Variants in PRDM11 observed in about 807,000 individuals in gnomAD.
The protein encoded by PRDM11 is PR/SET domain 11.
PRDM11 carries 20 observed loss-of-function variants against 97.8 expected under a neutral mutation model. The ratio of observed to expected loss-of-function variants is 0.20; its 90% CI spans 0.14 to 0.30. PRDM11 has a LOEUF of 0.30. Ranked by LOEUF, PRDM11 falls within the 10% of genes least tolerant of loss-of-function variation. The pLI is 1.00. For missense variants in PRDM11, 1,139 were observed against 1,555.2 expected, an observed-to-expected ratio of 0.73 and a Z score of 4.50; for synonymous variants, 599 against 637.7, an observed-to-expected ratio of 0.94 and a Z score of 0.91.
At chr11:45,205,663 T>C (rs1473304305) in intron 5 of PRDM11, among the ~76,000 whole-genome samples, 27 of 152,018 alleles carry the variant, frequency 1.8e-4, no homozygotes, top group Admixed American at 1.8e-3. Context: ...AGGCTGATGG[T>C]GGGATTGTAC....
intron 4 of PRDM11, among the ~76,000 whole-genome samples, chr11:45,195,579 TC>T (rs1853094389): frequency 6.6e-6 from 1 of 152,156 alleles, no homozygotes; most frequent in East Asian, 1.9e-4. Flanking sequence ...TTTTTTTTTT[TC>T]TTTTTTTATC....
chr11:45,150,092 C>G (rs540014198), intron 1 of PRDM11, among the ~76,000 whole-genome samples: 32 of 152,288 alleles, frequency 2.1e-4, no homozygotes, highest in African/African-American at 7.5e-4. Context: ...TCTGCAGGGA[C>G]ACCATCTTTT....
chr11:45,154,015 A>G (rs1471372035), intron 1 of PRDM11, among the ~76,000 whole-genome samples: 1 of 152,204 alleles, frequency 6.6e-6, no homozygotes, highest in African/African-American at 2.4e-5. Context: ...GAGGTTGCCT[A>G]TTTGTATTAC....
chr11:45,225,404 T>C (rs6416128), intron 7 of PRDM11, among the ~76,000 whole-genome samples: 137,350 of 152,172 alleles, frequency 0.9, 62,954 homozygotes, highest in Non-Finnish European at 0.98. Context: ...TAGAGTTGGT[T>C]GACAACTAGG....
intron 1 of PRDM11, among the ~76,000 whole-genome samples, chr11:45,170,431 C>A (rs1020163072): frequency 1.2e-4 from 18 of 152,060 alleles, no homozygotes; most frequent in African/African-American, 3.6e-4. Context: ...GAGAAAGTAA[C>A]ATTGAGTGAA....
chr11:45,141,279 T>A (rs1194644071), intron 1 of PRDM11, among the ~76,000 whole-genome samples: 2 of 152,138 alleles, frequency 1.3e-5, no homozygotes, highest in Admixed American at 6.5e-5. Context: ...CCACCAAGGA[T>A]CCCTCCTCCT....
In PRDM11 at chr11:45,095,902, G is replaced by A; in HGVS notation, c.96+1G>A. 1.3e-6 allele frequency: 1 copy of A among 781,020 alleles called. No homozygotes were observed. Among genetic ancestry groups the A allele is most frequent in the Non-Finnish European group, 2.4e-6 (1 of 418,114 alleles). 48.4% of individuals were successfully genotyped at this position (781,020 alleles called of 1,614,324 possible). A position where few individuals can be genotyped will look rare whatever the true frequency, so the allele number is the denominator to read the frequency against. ...TCTCTTCCTTTACCAGAGAGAGAAA[G>A]TAAGTTGTTTAAGCTGCTAATGTGG... On this transcript the variant is annotated splice_donor_variant, in intron 1 of 6. Transcript: ENST00000530656. LOFTEE classifies it high-confidence loss of function.
At chr11:45,109,535 T>C (rs950552200) in intron 1 of PRDM11, among the ~76,000 whole-genome samples, 4 of 152,144 alleles carry the variant, frequency 2.6e-5, no homozygotes, top group Admixed American at 2.6e-4. Context: ...GGAGGAGCCC[T>C]ACTCATTCTC....
At chr11:45,154,238 C>T (rs1430992191) in intron 1 of PRDM11, among the ~76,000 whole-genome samples, 1 of 152,102 alleles carries the variant, frequency 6.6e-6, no homozygotes, top group African/African-American at 2.4e-5. Flanking sequence ...TGCCTGTAGT[C>T]CCAGCAACTT....
chr11:45,155,878 A>G (rs1490279514), intron 1 of PRDM11, among the ~76,000 whole-genome samples: 10 of 152,172 alleles, frequency 6.6e-5, no homozygotes, highest in South Asian at 2.1e-4. Flanking sequence ...GCCGAGCCCA[A>G]ATGAGTGTGG....
At chr11:45,205,274 G>T (rs190100058) in intron 5 of PRDM11, among the ~76,000 whole-genome samples, 1 of 152,184 alleles carries the variant, frequency 6.6e-6, no homozygotes, top group African/African-American at 2.4e-5. Flanking sequence ...ACTTTACCCT[G>T]TTCCGGTGTT....
At chr11:45,188,014 T>A (rs1852772060) in intron 4 of PRDM11, among the ~76,000 whole-genome samples, 1 of 152,020 alleles carries the variant, frequency 6.6e-6, no homozygotes, top group Non-Finnish European at 1.5e-5. Context: ...TAAACTGCCC[T>A]CATTTGTCAA....
At chr11:45,118,566 A>G (rs1323098013) in intron 1 of PRDM11, among the ~76,000 whole-genome samples, 1 of 152,242 alleles carries the variant, frequency 6.6e-6, no homozygotes, top group Non-Finnish European at 1.5e-5. Flanking sequence ...TCACCTGTTA[A>G]TGGAATAAAG....
intron 4 of PRDM11, among the ~76,000 whole-genome samples, chr11:45,193,816 G>A (rs926139223): frequency 1.8e-4 from 28 of 152,262 alleles, no homozygotes; most frequent in African/African-American, 6.5e-4. Flanking sequence ...TCTGCTGGTT[G>A]GCTGCAGTTT....
chr11:45,118,085 GA>G (rs1310756470), intron 1 of PRDM11, among the ~76,000 whole-genome samples: 2 of 151,850 alleles, frequency 1.3e-5, no homozygotes, highest in Non-Finnish European at 2.9e-5. Context: ...TGCCTGGCCA[GA>G]ACACCTCAAA....
At chr11:45,193,877 T>G (rs1040358480) in intron 4 of PRDM11, among the ~76,000 whole-genome samples, 6 of 152,156 alleles carry the variant, frequency 3.9e-5, no homozygotes, top group Non-Finnish European at 2.9e-5. Flanking sequence ...CTGCTGGGGG[T>G]TCTTGGCTTC....
chr11:45,094,306 G>T (rs1285558907), upstream of PRDM11, among the ~76,000 whole-genome samples: 1 of 152,020 alleles, frequency 6.6e-6, no homozygotes, highest in Non-Finnish European at 1.5e-5. Flanking sequence ...CCTGATGCTG[G>T]ACAGGAAACA....
chr11:45,192,005 C>T (rs1026315011), intron 4 of PRDM11, among the ~76,000 whole-genome samples: 3 of 152,048 alleles, frequency 2.0e-5, no homozygotes, highest in African/African-American at 7.3e-5. Context: ...CCTCACCTCC[C>T]ACCCCCGCAA....
Position 45,113,926 on chromosome 11 carries a change from A to T in PRDM11, c.96+18025A>T, listed in dbSNP as rs186529462. Reference sequence around the variant, plus strand: ...CTAGGAGCTTTTTGGATAAGTCTTTAGAGTTTTCTAGGTATACAGTCATAT... The same window carrying T: ...CTAGGAGCTTTTTGGATAAGTCTTTTGAGTTTTCTAGGTATACAGTCATAT... On this transcript the variant is annotated intron_variant, in intron 1 of 6. Transcript: ENST00000530656. Among the ~76,000 whole-genome samples, 3 of 150,888 alleles carry T rather than the reference A, an allele frequency of 2.0e-5. No homozygotes were observed. In the East Asian group the frequency reaches 5.9e-4, roughly 30 times the overall value.
Sources: allele counts gnomAD v4.1 joint callset (sites outside exome capture counted in the v4.1 genomes callset), GRCh38; gene constraint gnomAD v4.1.1; transcripts MANE v1.5; gene names NCBI Gene and HGNC (gene_info 2026-07-23, HGNC 2026-07-21).